ZBTB40: variants seen among roughly 807,000 people sequenced by gnomAD.
ZBTB40 encodes zinc finger and BTB domain containing 40, also known as zinc finger and BTB domain-containing protein 40.
ZBTB40 carries 60 observed loss-of-function variants against 117.5 expected under a neutral mutation model. The ratio of observed to expected loss-of-function variants is 0.51; its 90% CI spans 0.41 to 0.63. The LOEUF is 0.63. ZBTB40 is among the 30% of genes least tolerant of loss of function. The pLI, the probability that ZBTB40 is intolerant of heterozygous loss-of-function variation, is 0.00. For synonymous variants in ZBTB40, 525 were observed against 577.1 expected, an observed-to-expected ratio of 0.91 and a Z score of 1.29; for missense variants, 1,287 against 1,498.5, an observed-to-expected ratio of 0.86 and a Z score of 2.33.
chr1:22,456,745 G>C (rs16827157), intron 1 of ZBTB40, among the ~76,000 whole-genome samples: 212 of 152,296 alleles, frequency 1.4e-3, no homozygotes, highest in African/African-American at 4.9e-3. Flanking sequence ...GTGTAACATA[G>C]ATATCTGCCC....
In ZBTB40 at chr1:22,521,677, C is replaced by A. The variant is rs372026460; in HGVS notation, c.3211+19C>A. The A allele has an allele frequency of 6.2e-7, 1 of 1,614,154 alleles. No individual in the cohort carries two copies. Among genetic ancestry groups the A allele is most frequent in the South Asian group, 1.1e-5 (1 of 91,070 alleles). On this transcript the variant is annotated intron_variant, in intron 15 of 17. Coordinates refer to ENST00000375647, the MANE Select transcript of ZBTB40 (RefSeq NM_014870.4). Reference sequence around the variant, plus strand: ...CATGCAGGTGGAGTTTGGGTACCGCCGGCAGAGAGCGGGAGGGGCTTGATG... The same window carrying A: ...CATGCAGGTGGAGTTTGGGTACCGCAGGCAGAGAGCGGGAGGGGCTTGATG...
In ZBTB40 at chr1:22,517,380, G is replaced by A. The variant is rs759497986; in HGVS notation, c.2749G>A (p.Gly917Arg). The change falls in exon 13 of 18, where the codon GGG becomes AGG. Residue 917 changes from glycine to arginine, a missense_variant. This residue lies in a region of ZBTB40 where 417 missense variants were observed against 564.1 expected (regional missense o/e 0.74). Coordinates refer to ENST00000375647, the MANE Select transcript of ZBTB40 (RefSeq NM_014870.4). Reference sequence around the variant, plus strand: ...GTCCCGCCACGTGAGGACCCACACCGGGGACAAGCCCTATGTCTGCAGAGA... The same window carrying A: ...GTCCCGCCACGTGAGGACCCACACCAGGGACAAGCCCTATGTCTGCAGAGA... ...ELSRHVRTHT[G>R]DKPYVCRDCG... 107 of 1,614,036 alleles carry A rather than the reference G, an allele frequency of 6.6e-5. 3 individuals carry two copies. The highest frequency in any genetic ancestry group is 3.1e-4 in the South Asian group (28 of 91,090).
At chr1:22,462,760 G>A (rs1185904596) in intron 1 of ZBTB40, among the ~76,000 whole-genome samples, 3 of 152,196 alleles carry the variant, frequency 2.0e-5, no homozygotes, top group Non-Finnish European at 4.4e-5. Context: ...GTCTTGTTAT[G>A]AGAAGTCGGA....
chr1:22,502,212 CTG>C, intron 4 of ZBTB40, 85 bp from the exon 5 acceptor site: 2 of 1,483,060 alleles, frequency 1.3e-6, no homozygotes, highest in Non-Finnish European at 1.8e-6. Context: ...CTTTACTATT[CTG>C]TTAGATCTCT....
intron 1 of ZBTB40, among the ~76,000 whole-genome samples, chr1:22,455,580 G>C (rs1290913183): frequency 6.6e-6 from 1 of 152,146 alleles, no homozygotes; most frequent in Non-Finnish European, 1.5e-5. Flanking sequence ...TTTTAGGTTT[G>C]GGTGGGACCT....
At chr1:22,515,706 T>G (rs1463894092) in intron 12 of ZBTB40, among the ~76,000 whole-genome samples, 1 of 152,190 alleles carries the variant, frequency 6.6e-6, no homozygotes, top group Non-Finnish European at 1.5e-5. Context: ...CACAAGATCC[T>G]TAATCCAGTC....
rs1639810903 is a variant in ZBTB40 at position 22,530,876 on chromosome 1, C to T, written c.*4480C>T. On this transcript the variant is annotated 3_prime_UTR_variant, in exon 18 of 18. Coordinates refer to ENST00000375647, the MANE Select transcript of ZBTB40 (RefSeq NM_014870.4). ...CTCTCCTGTCACTTGGAGTCTCATT[C>T]CTAAACCCTCCTTCCCAGGGAGCAA... The T allele has an allele frequency of 6.6e-6, 1 of 152,156 alleles. No homozygotes were observed. The highest frequency in any genetic ancestry group is 1.5e-5 in the Non-Finnish European group (1 of 68,048). The allele number at this position is 152,156 out of a possible 1,614,324, so 9.4% of individuals were successfully genotyped here. A position where few individuals can be genotyped will look rare whatever the true frequency, so the allele number is the denominator to read the frequency against.
intron 3 of ZBTB40, among the ~76,000 whole-genome samples, chr1:22,495,823 C>T (rs917109423): frequency 2.0e-5 from 3 of 152,142 alleles, no homozygotes; most frequent in Non-Finnish European, 1.5e-5. Context: ...GCCTTTTTTA[C>T]GTTTTAGGAA....
intron 1 of ZBTB40, among the ~76,000 whole-genome samples, chr1:22,440,014 A>G (rs1640712934): frequency 6.6e-6 from 1 of 152,104 alleles, no homozygotes; most frequent in Non-Finnish European, 1.5e-5. Context: ...GTAATGTTTT[A>G]TAGTATCCAT....
Position 22,528,251 on chromosome 1 carries a change from C to G in ZBTB40, c.*1855C>G. On this transcript the variant is annotated 3_prime_UTR_variant, in exon 18 of 18. Coordinates refer to ENST00000375647, the MANE Select transcript of ZBTB40 (RefSeq NM_014870.4). Reference sequence around the variant, plus strand: ...TCCCCTTGGCAGCAGAGAAAACCCACTGAAAGATCGTAGAGTGGCACATGC... The same window carrying G: ...TCCCCTTGGCAGCAGAGAAAACCCAGTGAAAGATCGTAGAGTGGCACATGC... 1 of 152,586 alleles carries G rather than the reference C, an allele frequency of 6.6e-6. No homozygotes were observed. The highest frequency in any genetic ancestry group is 1.5e-5 in the Non-Finnish European group (1 of 68,048). The allele number at this position is 152,586 out of a possible 1,614,324, so 9.5% of individuals were successfully genotyped here.
At chr1:22,501,091 T>C (rs1638922676) in intron 3 of ZBTB40, among the ~76,000 whole-genome samples, 1 of 152,230 alleles carries the variant, frequency 6.6e-6, no homozygotes. Flanking sequence ...TGCCAGGCTA[T>C]GCTATTTGCT....
At chr1:22,440,125 T>C (rs749958880) in intron 1 of ZBTB40, among the ~76,000 whole-genome samples, 18 of 152,228 alleles carry the variant, frequency 1.2e-4, no homozygotes, top group Non-Finnish European at 2.2e-4. Flanking sequence ...CAGATGTTCA[T>C]TGTTAATATA....
chr1:22,433,939 G>A (rs1351383095), intron 1 of ZBTB40, among the ~76,000 whole-genome samples: 1 of 151,416 alleles, frequency 6.6e-6, no homozygotes, highest in African/African-American at 2.4e-5. Flanking sequence ...GAATAACTTT[G>A]TATATACATT....
In ZBTB40 at chr1:22,530,308, G is replaced by T. The variant is rs1639795906; in HGVS notation, c.*3912G>T. Reference sequence around the variant, plus strand: ...AATGGGAGTAAGAGAACAATTTGGGGCTGAAGGGAGTGTCAGAGGCACGTT... The same window carrying T: ...AATGGGAGTAAGAGAACAATTTGGGTCTGAAGGGAGTGTCAGAGGCACGTT... On this transcript the variant is annotated 3_prime_UTR_variant, in exon 18 of 18. Coordinates refer to ENST00000375647, the MANE Select transcript of ZBTB40 (RefSeq NM_014870.4). 6.6e-6 allele frequency: 1 copy of T among 152,194 alleles called. No homozygotes were observed. The highest frequency in any genetic ancestry group is 2.1e-4 in the South Asian group (1 of 4,822). The allele number at this position is 152,194 out of a possible 1,614,324, so 9.4% of individuals were successfully genotyped here. A position where few individuals can be genotyped will look rare whatever the true frequency, so the allele number is the denominator to read the frequency against.
intron 1 of ZBTB40, among the ~76,000 whole-genome samples, chr1:22,467,804 T>C (rs1641293478): frequency 7.6e-6 from 1 of 132,232 alleles, no homozygotes. Flanking sequence ...TTCCTGATAA[T>C]AATAGCAGGC....
intron 3 of ZBTB40, among the ~76,000 whole-genome samples, chr1:22,499,623 T>A (rs534347125): frequency 6.6e-6 from 1 of 152,362 alleles, no homozygotes; most frequent in African/African-American, 2.4e-5. Flanking sequence ...ACGCTAGTGA[T>A]ATGTTGATGT....
At chr1:22,429,769 G>A (rs2124356449) in intron 1 of ZBTB40, among the ~76,000 whole-genome samples, 1 of 152,152 alleles carries the variant, frequency 6.6e-6, no homozygotes, top group East Asian at 1.9e-4. Flanking sequence ...GAGGCGGGTG[G>A]ATCACCTAAG....
chr1:22,461,041 C>T (rs976920407), intron 1 of ZBTB40, among the ~76,000 whole-genome samples: 3 of 152,108 alleles, frequency 2.0e-5, no homozygotes, highest in Admixed American at 1.3e-4. Context: ...GAATACTTAC[C>T]TCCTAGTATG....
At chr1:22,494,887 C>CATAAA (rs1638732089) in intron 3 of ZBTB40, among the ~76,000 whole-genome samples, 1 of 152,162 alleles carries the variant, frequency 6.6e-6, no homozygotes, top group Admixed American at 6.5e-5. Flanking sequence ...CAGATTTCAC[C>CATAAA]ATAAGGCTTC....
Sources: allele counts gnomAD v4.1 joint callset (sites outside exome capture counted in the v4.1 genomes callset), GRCh38; gene constraint gnomAD v4.1.1; regional missense constraint gnomAD v4.1.1; transcripts MANE v1.5; gene names NCBI Gene and HGNC (gene_info 2026-07-23, HGNC 2026-07-21).